DSCAM: variants seen among roughly 807,000 people sequenced by gnomAD.
DSCAM encodes the protein cell adhesion molecule DSCAM.
A neutral mutation model predicts 217.7 loss-of-function variants in DSCAM; 47 were observed. The observed-to-expected ratio is 0.22, with a 90% CI of 0.17 to 0.28. The LOEUF (loss-of-function observed/expected upper bound fraction) is 0.28, where lower values mean the gene tolerates loss of function less well. Among genes scored for constraint, DSCAM ranks in the 10% least tolerant of loss-of-function variants. The pLI is 1.00. For missense variants in DSCAM, 2,080 were observed against 2,618.3 expected, an observed-to-expected ratio of 0.79 and a Z score of 4.49; for synonymous variants, 1,056 against 1,015.3, an observed-to-expected ratio of 1.04 and a Z score of -0.76.
intron 9 of DSCAM, among the ~76,000 whole-genome samples, chr21:40,307,057 G>A (rs1230428023): frequency 2.0e-5 from 3 of 152,146 alleles, no homozygotes; most frequent in Non-Finnish European, 2.9e-5. Flanking sequence ...ATTTGGCTGT[G>A]AATCCATCTG....
chr21:40,411,772 A>T (rs1011265271), intron 3 of DSCAM, among the ~76,000 whole-genome samples: 2 of 152,204 alleles, frequency 1.3e-5, no homozygotes, highest in African/African-American at 4.8e-5. Flanking sequence ...ATATTAGAAT[A>T]ATAAGAGAAT....
intron 3 of DSCAM, among the ~76,000 whole-genome samples, chr21:40,663,899 A>G (rs1290865820): frequency 1.3e-5 from 2 of 152,176 alleles, no homozygotes; most frequent in African/African-American, 4.8e-5. Context: ...GTCACTTGCA[A>G]TCAAGAGTTC....
intron 8 of DSCAM, among the ~76,000 whole-genome samples, chr21:40,312,638 G>A (rs2074151820): frequency 1.3e-5 from 2 of 152,192 alleles, no homozygotes; most frequent in South Asian, 2.1e-4. Flanking sequence ...GACTATATCT[G>A]TAGTGTAAAT....
intron 3 of DSCAM, among the ~76,000 whole-genome samples, chr21:40,465,568 T>C (rs2075837932): frequency 6.6e-6 from 1 of 152,178 alleles, no homozygotes; most frequent in Non-Finnish European, 1.5e-5. Flanking sequence ...GTCCCACCCG[T>C]GGCGTGCAGG....
At chr21:40,322,462 A>T (rs9978938) in intron 8 of DSCAM, among the ~76,000 whole-genome samples, 53,154 of 152,040 alleles carry the variant, frequency 0.35, 10,895 homozygotes, top group South Asian at 0.49. Flanking sequence ...GGTACACTGT[A>T]ATATTTCTCA....
chr21:40,102,860 T>C (rs1481240606), intron 20 of DSCAM, among the ~76,000 whole-genome samples: 2 of 152,192 alleles, frequency 1.3e-5, no homozygotes, highest in Non-Finnish European at 2.9e-5. Context: ...GCCTTTGCCT[T>C]TATTCCACTG....
intron 11 of DSCAM, among the ~76,000 whole-genome samples, chr21:40,244,573 A>C (rs570846709): frequency 3.2e-4 from 49 of 152,144 alleles, no homozygotes; most frequent in African/African-American, 1.2e-3. Context: ...CAGATCTAAG[A>C]GGTCTGAGAT....
In DSCAM at chr21:40,090,930, C is replaced by T. The variant is rs184987789; in HGVS notation, c.3850+2791G>A. ...TCCATGGTCTTCTTCATCAAGAAAT[C>T]GTGCCTCCACTTATGCTAACTCATG... On this transcript the variant is annotated intron_variant, in intron 21 of 32. Coordinates refer to ENST00000400454, the MANE Select transcript of DSCAM (RefSeq NM_001389.5). Among the ~76,000 whole-genome samples, 181 of 152,264 alleles carry T rather than the reference C, an allele frequency of 1.2e-3. 1 individual carries two copies. The highest frequency in any genetic ancestry group is 2.0e-3 in the Non-Finnish European group (139 of 68,016).
At chr21:40,376,615 A>C (rs867144212) in intron 3 of DSCAM, among the ~76,000 whole-genome samples, 22 of 132,060 alleles carry the variant, frequency 1.7e-4, no homozygotes, top group South Asian at 9.4e-4. Context: ...TATCTTATAT[A>C]GATATCGATA....
At chr21:40,376,266 A>C (rs1227948706) in intron 3 of DSCAM, among the ~76,000 whole-genome samples, 1 of 152,062 alleles carries the variant, frequency 6.6e-6, no homozygotes, top group Non-Finnish European at 1.5e-5. Context: ...CTTTCTTCAA[A>C]GCCGTTTCAA....
intron 8 of DSCAM, among the ~76,000 whole-genome samples, chr21:40,328,542 C>T (rs978261522): frequency 6.6e-6 from 1 of 152,124 alleles, no homozygotes; most frequent in African/African-American, 2.4e-5. Flanking sequence ...TAGGAGAAAA[C>T]ATAGGGAAAA....
intron 32 of DSCAM, among the ~76,000 whole-genome samples, chr21:40,032,405 C>T (rs2088543614): frequency 6.6e-6 from 1 of 152,018 alleles, no homozygotes; most frequent in South Asian, 2.1e-4. Flanking sequence ...TTAAAGTTCA[C>T]CAGCAAGCAG....
At chr21:40,374,943 C>G (rs1181522317) in intron 3 of DSCAM, among the ~76,000 whole-genome samples, 1 of 152,284 alleles carries the variant, frequency 6.6e-6, no homozygotes, top group Non-Finnish European at 1.5e-5. Flanking sequence ...GTAGCCCAAG[C>G]TGACCAAGAT....
intron 4 of DSCAM, among the ~76,000 whole-genome samples, chr21:40,361,197 C>A (rs1206704536): frequency 6.6e-6 from 1 of 151,776 alleles, no homozygotes; most frequent in Admixed American, 6.6e-5. Flanking sequence ...GAAAAGTAGA[C>A]AAAAATAATA....
intron 2 of DSCAM, among the ~76,000 whole-genome samples, chr21:40,702,108 T>A (rs546565217): frequency 1.3e-5 from 2 of 152,332 alleles, no homozygotes; most frequent in African/African-American, 4.8e-5. Context: ...TTTTGAAGTT[T>A]TGTTGTTGGG....
At chr21:40,157,128 T>C (rs566468328) in intron 16 of DSCAM, among the ~76,000 whole-genome samples, 2 of 152,356 alleles carry the variant, frequency 1.3e-5, no homozygotes, top group African/African-American at 4.8e-5. Context: ...TATTTTGTCA[T>C]GTGAAAATTA....
At chr21:40,381,074 A>AAAAAAAAAAAAAAAAAAAC (rs1569095596) in intron 3 of DSCAM, among the ~76,000 whole-genome samples, 48 of 147,096 alleles carry the variant, frequency 3.3e-4, no homozygotes, top group African/African-American at 1.2e-3. Flanking sequence ...AAAAAAAAAA[A>AAAAAAAAAAAAAAAAAAAC]AAAAAAAAAA....
At chr21:40,211,188 C>A (rs1367490006) in intron 11 of DSCAM, among the ~76,000 whole-genome samples, 2 of 152,158 alleles carry the variant, frequency 1.3e-5, no homozygotes, top group Non-Finnish European at 2.9e-5. Context: ...TTGTGTGTGT[C>A]AACAGTTCAT....
Position 40,134,350 on chromosome 21 carries a change from G to A in DSCAM, c.3407-341C>T, listed in dbSNP as rs140076046. ...CAGGTGCTAATGAGCAATGTCCCCT[G>A]CACCCCTAGCAGCACACTTAGGGCG... On this transcript the variant is annotated intron_variant, in intron 18 of 32. Coordinates refer to ENST00000400454, the MANE Select transcript of DSCAM (RefSeq NM_001389.5). Among the ~76,000 whole-genome samples the A allele has an allele frequency of 3.3e-3, 506 of 152,256 alleles. 3 individuals carry two copies. Among genetic ancestry groups the A allele is most frequent in the African/African-American group, 0.012 (492 of 41,544 alleles).
Sources: allele counts gnomAD v4.1 joint callset (sites outside exome capture counted in the v4.1 genomes callset), GRCh38; gene constraint gnomAD v4.1.1; transcripts MANE v1.5; gene names NCBI Gene and HGNC (gene_info 2026-07-23, HGNC 2026-07-21).